STK32B: variants seen among roughly 807,000 people sequenced by gnomAD.
The protein encoded by STK32B is serine/threonine kinase 32B, also known as serine/threonine-protein kinase 32B.
A neutral mutation model predicts 52.6 loss-of-function variants in STK32B; 43 were observed. The observed-to-expected ratio is 0.82, with a 90% confidence interval of 0.64 to 1.05. STK32B has a LOEUF of 1.05. Ranked by LOEUF, STK32B falls within the 50% of genes least tolerant of loss-of-function variation. The pLI is 0.00. For missense variants in STK32B, 621 were observed against 534.6 expected (o/e 1.16, Z -1.59); for synonymous variants, 238 against 204.3 (o/e 1.17, Z -1.41).
chr4:5,140,852 CAG>C (rs1339818842), intron 2 of STK32B, among the ~76,000 whole-genome samples: 2 of 152,164 alleles, frequency 1.3e-5, no homozygotes, highest in Non-Finnish European at 2.9e-5. Flanking sequence ...CTCTGTTGAT[CAG>C]TAGTAACCAA....
At chr4:5,223,583 G>T (rs964450992) in intron 3 of STK32B, among the ~76,000 whole-genome samples, 1 of 152,122 alleles carries the variant, frequency 6.6e-6, no homozygotes, top group Admixed American at 6.5e-5. Flanking sequence ...GGAGGCTGAG[G>T]CGGGCGAATC....
At position 5,500,727 on chromosome 4, in the gene STK32B, T is replaced by G. The variant is rs1720661077; in HGVS notation, c.*1644T>G. The G allele has an allele frequency of 6.6e-6, 1 of 152,260 alleles. No homozygotes were observed. Among genetic ancestry groups the G allele is most frequent in the African/African-American group, 2.4e-5 (1 of 41,468 alleles). The allele number at this position is 152,260 out of a possible 1,614,324, so 9.4% of individuals were successfully genotyped here. The stretch of plus-strand genomic sequence containing the variant: ...CCGAGACTATTTCTGGATTGTGTGC[T>G]CCTCGTCAGTTGACTTGTTTTGCAC... On this transcript the variant is annotated 3_prime_UTR_variant, in exon 12 of 12. Transcript: ENST00000282908.
chr4:5,226,962 A>G (rs1283365800), intron 3 of STK32B, among the ~76,000 whole-genome samples: 3 of 152,232 alleles, frequency 2.0e-5, no homozygotes, highest in African/African-American at 4.8e-5. Context: ...CAAAATGAAA[A>G]TACAGGGAGG....
chr4:5,209,089 C>G (rs746743079), intron 3 of STK32B, among the ~76,000 whole-genome samples: 9 of 152,238 alleles, frequency 5.9e-5, no homozygotes, highest in East Asian at 3.8e-4. Context: ...GCTGCCTCCC[C>G]CTCAGCACTT....
chr4:5,071,014 A>G (rs1343211962), intron 1 of STK32B, among the ~76,000 whole-genome samples: 1 of 152,202 alleles, frequency 6.6e-6, no homozygotes, highest in East Asian at 1.9e-4. Flanking sequence ...TCTCAAAGAC[A>G]AAAGAGCAAT....
intron 5 of STK32B, among the ~76,000 whole-genome samples, chr4:5,410,433 C>T (rs1233224673): frequency 2.0e-5 from 3 of 152,206 alleles, no homozygotes; most frequent in Non-Finnish European, 4.4e-5. Flanking sequence ...TGTGTAGTTT[C>T]CCTTTCATCC....
chr4:5,241,627 C>A (rs1409316010), intron 3 of STK32B, among the ~76,000 whole-genome samples: 1 of 151,598 alleles, frequency 6.6e-6, no homozygotes, highest in South Asian at 2.1e-4. Flanking sequence ...GCACAACATG[C>A]AGGTTTGTTA....
chr4:5,423,154 A>G (rs1712786197), intron 6 of STK32B, among the ~76,000 whole-genome samples: 1 of 152,128 alleles, frequency 6.6e-6, no homozygotes, highest in Non-Finnish European at 1.5e-5. Flanking sequence ...TAGGGCCTCA[A>G]GGGTGGTGAC....
chr4:5,389,312 A>C (rs971537435), intron 4 of STK32B, among the ~76,000 whole-genome samples: 44 of 152,340 alleles, frequency 2.9e-4, no homozygotes, highest in African/African-American at 1.0e-3. Context: ...TAAAGCTGCC[A>C]TACAAAATAC....
chr4:5,323,596 C>T (rs998555245), intron 3 of STK32B, among the ~76,000 whole-genome samples: 1 of 152,194 alleles, frequency 6.6e-6, no homozygotes, highest in African/African-American at 2.4e-5. Context: ...AGCACCCTTC[C>T]TTCCCCATCA....
intron 3 of STK32B, among the ~76,000 whole-genome samples, chr4:5,176,184 C>G (rs1719873268): frequency 6.6e-6 from 1 of 152,200 alleles, no homozygotes; most frequent in Non-Finnish European, 1.5e-5. Context: ...ACCCGATTTT[C>G]CAGGTGCCGG....
intron 3 of STK32B, among the ~76,000 whole-genome samples, chr4:5,200,816 G>C (rs1560220058): frequency 6.6e-6 from 1 of 152,100 alleles, no homozygotes; most frequent in Non-Finnish European, 1.5e-5. Flanking sequence ...ACAGACTCCA[G>C]GTCATGGGTC....
At chr4:5,176,122 G>C (rs924271660) in intron 3 of STK32B, among the ~76,000 whole-genome samples, 6 of 152,214 alleles carry the variant, frequency 3.9e-5, no homozygotes, top group Non-Finnish European at 7.3e-5. Context: ...ATAATCTCCT[G>C]GTGTGCCGTT....
At chr4:5,311,511 ATATT>A (rs575700845) in intron 3 of STK32B, among the ~76,000 whole-genome samples, 2 of 152,306 alleles carry the variant, frequency 1.3e-5, no homozygotes, top group Admixed American at 6.5e-5. Context: ...TTCTTCAAAA[ATATT>A]TAAGAAAGTT....
chr4:5,487,714 A>C (rs1409271106), intron 11 of STK32B, among the ~76,000 whole-genome samples: 1 of 152,216 alleles, frequency 6.6e-6, no homozygotes, highest in Non-Finnish European at 1.5e-5. Flanking sequence ...CCAAATGAAA[A>C]AGGTAGCATC....
intron 3 of STK32B, among the ~76,000 whole-genome samples, chr4:5,178,251 C>T (rs1398609758): frequency 6.6e-6 from 1 of 152,252 alleles, no homozygotes; most frequent in Admixed American, 6.5e-5. Flanking sequence ...ACATGTAAGC[C>T]ACCAAGGCTT....
chr4:5,285,141 T>G (rs1728464763), intron 3 of STK32B, among the ~76,000 whole-genome samples: 1 of 152,210 alleles, frequency 6.6e-6, no homozygotes, highest in Non-Finnish European at 1.5e-5. Flanking sequence ...AAGATTACAG[T>G]ACATAATACA....
At chr4:5,037,994 C>CCCGT in the STK32B span, among the ~76,000 whole-genome samples, 616 of 152,280 alleles carry the variant, frequency 4.0e-3, 3 homozygotes, top group Non-Finnish European at 6.6e-3. Context: ...GACCTCCCCA[C>CCCGT]CCGTCCATCC....
chr4:5,347,029 C>A (rs1026295975), intron 4 of STK32B, among the ~76,000 whole-genome samples: 1 of 152,150 alleles, frequency 6.6e-6, no homozygotes, highest in Non-Finnish European at 1.5e-5. Flanking sequence ...AGAGAAACTG[C>A]CCCTGTGATC....
Sources: gnomAD v4.1 joint callset for allele counts (sites outside exome capture counted in the v4.1 genomes callset) on GRCh38, gnomAD v4.1.1 for gene constraint, MANE v1.5 for transcripts, NCBI Gene and HGNC (gene_info 2026-07-23, HGNC 2026-07-21) for gene names.